The following ARHGEF3 variants were observed in gnomAD, a reference collection of about 807,000 sequenced individuals.
ARHGEF3 encodes 59.8 kDA protein.
Under a neutral mutation model 63.2 loss-of-function variants are expected in ARHGEF3, and 28 were observed. That is an observed-to-expected ratio of 0.44 (90% CI 0.33 to 0.61). ARHGEF3 has a LOEUF of 0.61. Ranked by LOEUF, ARHGEF3 falls within the 20% of genes least tolerant of loss-of-function variation. The probability of loss-of-function intolerance (pLI) is 0.03; values close to 1 mark genes in which losing one functional copy is unlikely to be tolerated. For missense variants in ARHGEF3, 533 were observed against 659.3 expected (o/e 0.81, Z 2.10); for synonymous variants, 266 against 254.2 (o/e 1.05, Z -0.44).
At chr3:56,787,425 G>A (rs1048586156) in intron 1 of ARHGEF3, among the ~76,000 whole-genome samples, 2 of 152,190 alleles carry the variant, frequency 1.3e-5, no homozygotes, top group Admixed American at 1.3e-4. Context: ...TACACCTGAC[G>A]CAGGTGTGAC....
At chr3:57,057,231 C>T (rs1244004005) in intron 1 of ARHGEF3, among the ~76,000 whole-genome samples, 1 of 152,252 alleles carries the variant, frequency 6.6e-6, no homozygotes, top group South Asian at 2.1e-4. Flanking sequence ...CCTGCCTCAG[C>T]CTCCCAAGTA....
At chr3:56,837,426 T>C (rs890316933) in intron 4 of ARHGEF3, among the ~76,000 whole-genome samples, 6 of 152,206 alleles carry the variant, frequency 3.9e-5, no homozygotes, top group Non-Finnish European at 8.8e-5. Context: ...ATGGAATTAG[T>C]CTTCCATCTT....
chr3:56,935,258 C>A (rs2042529394), intron 3 of ARHGEF3, among the ~76,000 whole-genome samples: 1 of 152,106 alleles, frequency 6.6e-6, no homozygotes, highest in African/African-American at 2.4e-5. Flanking sequence ...CTGTATCTAA[C>A]TAATCTGATG....
chr3:56,750,679 T>G (rs1456021573), intron 6 of ARHGEF3, among the ~76,000 whole-genome samples: 4 of 151,466 alleles, frequency 2.6e-5, no homozygotes, highest in Middle Eastern at 6.8e-3. Context: ...AGTTTTTTTT[T>G]TTTTTTTTTG....
At chr3:56,967,275 ATAT>A (rs986527042) in intron 2 of ARHGEF3, among the ~76,000 whole-genome samples, 9 of 124,178 alleles carry the variant, frequency 7.2e-5, no homozygotes, top group African/African-American at 1.9e-4. Context: ...ATATATAATA[ATAT>A]TATATTATAT....
chr3:56,989,023 G>A (rs1701644928), intron 2 of ARHGEF3, among the ~76,000 whole-genome samples: 1 of 152,116 alleles, frequency 6.6e-6, no homozygotes, highest in Non-Finnish European at 1.5e-5. Context: ...CAGGGCTCCT[G>A]CAGCCACTGA....
intron 2 of ARHGEF3, among the ~76,000 whole-genome samples, chr3:57,009,870 A>G (rs1329388629): frequency 6.6e-6 from 1 of 152,202 alleles, no homozygotes; most frequent in East Asian, 1.9e-4. Flanking sequence ...ACACAGCATG[A>G]CAGCTAACAT....
chr3:56,829,520 C>A (rs1293019648), intron 4 of ARHGEF3, among the ~76,000 whole-genome samples: 2 of 152,140 alleles, frequency 1.3e-5, no homozygotes, highest in Non-Finnish European at 2.9e-5. Flanking sequence ...CGAGAATCTG[C>A]CTACAGTGGA....
intron 4 of ARHGEF3, among the ~76,000 whole-genome samples, chr3:56,831,177 T>C (rs527814180): frequency 1.1e-4 from 16 of 152,362 alleles, no homozygotes; most frequent in Admixed American, 8.5e-4. Flanking sequence ...TCAAGAACAC[T>C]TTTAGAATTG....
chr3:56,845,858 C>T (rs1399766107), intron 4 of ARHGEF3, among the ~76,000 whole-genome samples: 1 of 152,222 alleles, frequency 6.6e-6, no homozygotes, highest in Non-Finnish European at 1.5e-5. Flanking sequence ...TGGTAGAACA[C>T]AAACAGACCA....
At chr3:56,986,250 C>G (rs1579025093) in intron 2 of ARHGEF3, among the ~76,000 whole-genome samples, 1 of 152,190 alleles carries the variant, frequency 6.6e-6, no homozygotes, top group African/African-American at 2.4e-5. Context: ...ATCCTGCCTC[C>G]ACCTGCAAAG....
chr3:57,018,644 C>T (rs982850748), intron 2 of ARHGEF3, among the ~76,000 whole-genome samples: 1 of 152,132 alleles, frequency 6.6e-6, no homozygotes, highest in South Asian at 2.1e-4. Context: ...CTAAAGTGTT[C>T]ACATTTGGGG....
At chr3:56,744,565 AT>A (rs912038602) in intron 7 of ARHGEF3, among the ~76,000 whole-genome samples, 107 of 145,198 alleles carry the variant, frequency 7.4e-4, no homozygotes, top group Non-Finnish European at 6.6e-4. Context: ...CGCCCAGCTA[AT>A]TTTTTTTTTT....
chr3:56,888,869 C>T (rs899097658), intron 3 of ARHGEF3, among the ~76,000 whole-genome samples: 1 of 151,952 alleles, frequency 6.6e-6, no homozygotes, highest in East Asian at 1.9e-4. Context: ...CACCATTGCA[C>T]TCCAGCCTGG....
intron 3 of ARHGEF3, among the ~76,000 whole-genome samples, chr3:56,915,672 T>C (rs1489764357): frequency 6.6e-6 from 1 of 152,154 alleles, no homozygotes; most frequent in Non-Finnish European, 1.5e-5. Context: ...TTAATGAGAA[T>C]GGTATCAAGT....
chr3:56,888,153 G>T (rs1008203385), intron 3 of ARHGEF3, among the ~76,000 whole-genome samples: 1 of 146,790 alleles, frequency 6.8e-6, no homozygotes, highest in Non-Finnish European at 1.5e-5. Flanking sequence ...TCCTTAAAAT[G>T]CACAGACATG....
At chr3:56,916,198 A>G in intron 3 of ARHGEF3, 1 of 1,354,564 alleles carries the variant, frequency 7.4e-7, no homozygotes, top group Non-Finnish European at 9.7e-7. Flanking sequence ...GTTTCTTGGA[A>G]GGTAAAGAGA....
chr3:56,766,175 A>G (rs1252419903), intron 2 of ARHGEF3, among the ~76,000 whole-genome samples: 3 of 152,174 alleles, frequency 2.0e-5, no homozygotes, highest in African/African-American at 7.2e-5. Flanking sequence ...GAGCAGGACT[A>G]CCTACCTTTC....
At chr3:56,990,547 C>G (rs1049106835) in intron 2 of ARHGEF3, among the ~76,000 whole-genome samples, 3 of 152,184 alleles carry the variant, frequency 2.0e-5, no homozygotes, top group African/African-American at 7.2e-5. Context: ...GATCATGCCA[C>G]TACCTGAGAG....
Sources: allele counts gnomAD v4.1 joint callset (sites outside exome capture counted in the v4.1 genomes callset), GRCh38; gene constraint gnomAD v4.1.1; transcripts MANE v1.5; gene names NCBI Gene and HGNC (gene_info 2026-07-23, HGNC 2026-07-21).